The following OLFM2 variants were observed in gnomAD, a reference collection of about 807,000 sequenced individuals.
OLFM2 encodes noelin-2.
A neutral mutation model predicts 43.9 loss-of-function variants in OLFM2; 20 were observed. The ratio of observed to expected loss-of-function variants is 0.46; its 90% CI spans 0.32 to 0.66. OLFM2 has a LOEUF of 0.66. OLFM2 is among the 30% of genes least tolerant of loss of function. The probability of loss-of-function intolerance (pLI) is 0.04; values close to 1 mark genes in which losing one functional copy is unlikely to be tolerated. For missense variants in OLFM2, 416 were observed against 643.6 expected, an observed-to-expected ratio of 0.65 and a Z score of 3.83; for synonymous variants, 268 against 278.6, an observed-to-expected ratio of 0.96 and a Z score of 0.38.
Position 9,870,353 on chromosome 19 carries a change from G to A in OLFM2, c.64-9559C>T, listed in dbSNP as rs542800760. 2.0e-5 allele frequency among the ~76,000 whole-genome samples: 3 copies of A among 152,314 alleles called. No individual in the cohort carries two copies. In the South Asian group the frequency reaches 6.2e-4, roughly 32 times the overall value. On this transcript the variant is annotated intron_variant, in intron 1 of 5. Coordinates refer to ENST00000264833, the MANE Select transcript of OLFM2 (RefSeq NM_058164.4). Reference sequence around the variant, plus strand: ...CTCATGGAGTTGGGGTTGAGGCTGTGGGATCATGAGGCAAAGAAAGTCCAA... The same window carrying A: ...CTCATGGAGTTGGGGTTGAGGCTGTAGGATCATGAGGCAAAGAAAGTCCAA...
intron 1 of OLFM2, among the ~76,000 whole-genome samples, chr19:9,874,167 C>A (rs1046784803): frequency 1.3e-5 from 2 of 152,110 alleles, no homozygotes; most frequent in Admixed American, 6.6e-5. Context: ...CACTTGAGTG[C>A]TTTTTCTGTT....
chr19:9,906,620 C>A (rs376680430), intron 1 of OLFM2, among the ~76,000 whole-genome samples: 2 of 152,000 alleles, frequency 1.3e-5, no homozygotes, highest in Non-Finnish European at 2.9e-5. Context: ...AAATACAAAC[C>A]GAACTGCAGA....
intron 1 of OLFM2, among the ~76,000 whole-genome samples, chr19:9,866,286 G>A (rs1261961180): frequency 6.6e-6 from 1 of 152,142 alleles, no homozygotes; most frequent in Non-Finnish European, 1.5e-5. Flanking sequence ...AATGTACCAT[G>A]TGCTAGCTCT....
intron 1 of OLFM2, among the ~76,000 whole-genome samples, chr19:9,917,032 C>T (rs111461912): frequency 8.5e-5 from 13 of 152,100 alleles, no homozygotes; most frequent in African/African-American, 2.9e-4. Context: ...GGTTCCCTGC[C>T]GCTCTCATTC....
intron 1 of OLFM2, among the ~76,000 whole-genome samples, chr19:9,922,423 G>A (rs934632854): frequency 6.6e-6 from 1 of 151,972 alleles, no homozygotes; most frequent in African/African-American, 2.4e-5. Context: ...TCATCATCAG[G>A]CACATCACTC....
At chr19:9,888,518 C>A (rs1167397858) in intron 1 of OLFM2, among the ~76,000 whole-genome samples, 2 of 36,850 alleles carry the variant, frequency 5.4e-5, no homozygotes, top group African/African-American at 1.5e-4. Flanking sequence ...TGAGACCTTA[C>A]CTCAAAAAAA....
At chr19:9,916,609 T>C (rs1211054399) in intron 1 of OLFM2, among the ~76,000 whole-genome samples, 1 of 152,122 alleles carries the variant, frequency 6.6e-6, no homozygotes, top group African/African-American at 2.4e-5. Context: ...CCAACTGGGC[T>C]CCAGGCCTCC....
At chr19:9,861,203 GTT>G (rs113853813) in intron 1 of OLFM2, among the ~76,000 whole-genome samples, 1 of 129,724 alleles carries the variant, frequency 7.7e-6, no homozygotes. Flanking sequence ...GCCACTTAAT[GTT>G]TTTTTTTTTT....
chr19:9,933,514 A>G (rs1351559658), intron 1 of OLFM2, among the ~76,000 whole-genome samples: 2 of 149,782 alleles, frequency 1.3e-5, no homozygotes, highest in Non-Finnish European at 3.0e-5. Flanking sequence ...CTGGGATTAC[A>G]GGCGTGAGCC....
intron 1 of OLFM2, among the ~76,000 whole-genome samples, chr19:9,908,854 G>T (rs2046805354): frequency 6.6e-6 from 1 of 151,958 alleles, no homozygotes; most frequent in Non-Finnish European, 1.5e-5. Context: ...TGGGATTACA[G>T]GTGTGAGCCA....
chr19:9,915,239 C>T (rs941514631), intron 1 of OLFM2, among the ~76,000 whole-genome samples: 2 of 139,642 alleles, frequency 1.4e-5, no homozygotes. Context: ...TTTTCTCTCT[C>T]TTTTTTTTTT....
intron 1 of OLFM2, among the ~76,000 whole-genome samples, chr19:9,887,093 C>A (rs539883255): frequency 7.9e-5 from 12 of 152,320 alleles, no homozygotes; most frequent in South Asian, 4.1e-4. Flanking sequence ...TGGCACGCAG[C>A]AGGTGTTCAA....
chr19:9,879,484 C>G (rs2046521465), intron 1 of OLFM2, among the ~76,000 whole-genome samples: 2 of 152,158 alleles, frequency 1.3e-5, no homozygotes, highest in South Asian at 4.1e-4. Flanking sequence ...CTCTCTTGCT[C>G]CTGCTCTGGC....
chr19:9,865,667 T>G (rs2046396388), intron 1 of OLFM2, among the ~76,000 whole-genome samples: 1 of 151,250 alleles, frequency 6.6e-6, no homozygotes. Flanking sequence ...AATTTTTGTA[T>G]TTTTAGTAGA....
At chr19:9,874,966 C>T (rs2046473045) in intron 1 of OLFM2, among the ~76,000 whole-genome samples, 1 of 152,118 alleles carries the variant, frequency 6.6e-6, no homozygotes. Context: ...GGACGTTTCC[C>T]CAGCCTGTAA....
chr19:9,892,924 G>C (rs1160785885), intron 1 of OLFM2, among the ~76,000 whole-genome samples: 3 of 152,106 alleles, frequency 2.0e-5, no homozygotes, highest in Non-Finnish European at 4.4e-5. Flanking sequence ...TTCAGCCCTG[G>C]TCCATCTCAG....
intron 1 of OLFM2, among the ~76,000 whole-genome samples, chr19:9,934,942 T>C (rs1212589716): frequency 2.0e-5 from 3 of 152,186 alleles, no homozygotes; most frequent in African/African-American, 7.2e-5. Flanking sequence ...CCTGCCTATC[T>C]ACCTAAAAGC....
intron 1 of OLFM2, among the ~76,000 whole-genome samples, chr19:9,925,129 G>T (rs1000897561): frequency 2.0e-5 from 3 of 151,946 alleles, no homozygotes; most frequent in Non-Finnish European, 4.4e-5. Context: ...GCGGTGCATA[G>T]TCCCAGCTAC....
intron 1 of OLFM2, among the ~76,000 whole-genome samples, chr19:9,883,504 A>G (rs1215379190): frequency 6.6e-6 from 1 of 152,004 alleles, no homozygotes; most frequent in Non-Finnish European, 1.5e-5. Flanking sequence ...CTGGCTAAGC[A>G]CTGAGCAGCT....
Sources: gnomAD v4.1 joint callset for allele counts (sites outside exome capture counted in the v4.1 genomes callset) on GRCh38, gnomAD v4.1.1 for gene constraint, MANE v1.5 for transcripts, NCBI Gene and HGNC (gene_info 2026-07-23, HGNC 2026-07-21) for gene names.